PEX7: variants seen among roughly 807,000 people sequenced by gnomAD.
The protein encoded by PEX7 is peroxisomal biogenesis factor 7, also known as PTS2 receptor.
In PEX7, 34 loss-of-function variants were observed where a neutral mutation model predicts 47.5. The ratio of observed to expected loss-of-function variants is 0.72; its 90% confidence interval spans 0.54 to 0.95. The LOEUF (loss-of-function observed/expected upper bound fraction) is 0.95. PEX7 is among the 40% of genes least tolerant of loss of function. The pLI is 0.00. For missense variants in PEX7, 394 were observed against 400.3 expected, an observed-to-expected ratio of 0.98 and a Z score of 0.13; for synonymous variants, 141 against 148.8, an observed-to-expected ratio of 0.95 and a Z score of 0.38.
At chr6:136,907,978 C>G (rs1436353387) in intron 9 of PEX7, among the ~76,000 whole-genome samples, 1 of 152,070 alleles carries the variant, frequency 6.6e-6, no homozygotes, top group Admixed American at 6.6e-5. Flanking sequence ...TTAGTGAATG[C>G]ATGTTTCTTT....
rs1467357828 is a variant in PEX7, at chr6:136,898,173, C to T, written c.835C>T (p.Leu279Phe). The T allele has an allele frequency of 6.2e-7, 1 of 1,612,162 alleles. No individual in the cohort carries two copies. The highest frequency in any genetic ancestry group is 8.5e-7 in the Non-Finnish European group (1 of 1,178,306). ...FWNFSKPDSL[L>F]ETVEHHTEFT... is the part of the protein sequence containing the mutation. ...GAACTTTTCAAAGCCTGACTCTCTTCTTGAAACAGTGGAGCATCATACAGA... is the reference window on the plus strand; with the variant it reads ...GAACTTTTCAAAGCCTGACTCTCTTTTTGAAACAGTGGAGCATCATACAGA... The change falls in exon 9 of 10, where the codon CTT becomes TTT. Residue 279 changes from leucine (L) to phenylalanine (F), a missense_variant. Transcript: ENST00000318471.
intron 5 of PEX7, among the ~76,000 whole-genome samples, chr6:136,861,323 C>A (rs1774960399): frequency 6.6e-6 from 1 of 152,082 alleles, no homozygotes; most frequent in Admixed American, 6.5e-5. Flanking sequence ...ACTCAAACGA[C>A]CTGCCTGCCT....
At chr6:136,894,963 A>G (rs187313753) in intron 8 of PEX7, among the ~76,000 whole-genome samples, 2 of 152,300 alleles carry the variant, frequency 1.3e-5, no homozygotes, top group Non-Finnish European at 2.9e-5. Flanking sequence ...AAAGGAGCTC[A>G]TTTTACTTAC....
chr6:136,901,006 A>T (rs1562757799), intron 9 of PEX7: 1 of 205,516 alleles, frequency 4.9e-6, no homozygotes, highest in Admixed American at 4.6e-5. Flanking sequence ...GCCATTTCAC[A>T]AAGTGGGTGA....
At position 136,867,597 on chromosome 6, in the gene PEX7, G is replaced by A. The variant is rs139832407; in HGVS notation, c.633+864G>A. Among the ~76,000 whole-genome samples, 6 of 152,104 alleles carry A rather than the reference G, an allele frequency of 3.9e-5. No individual in the cohort carries two copies. In the East Asian group the frequency reaches 1.2e-3, roughly 29 times the overall value. On this transcript the variant is annotated intron_variant, in intron 6 of 9. Transcript: ENST00000318471. The stretch of plus-strand genomic sequence containing the variant: ...GCTCTACAATGTGTTTATATTTTAA[G>A]TTTTGTTATTATGAAGAGTCAAAAA...
chr6:136,891,651 C>CTT (rs56658273), intron 8 of PEX7, among the ~76,000 whole-genome samples: 19 of 140,628 alleles, frequency 1.4e-4, no homozygotes, highest in Admixed American at 2.8e-4. Context: ...TTCAACAGCC[C>CTT]TTTTTTTTTT....
intron 5 of PEX7, among the ~76,000 whole-genome samples, chr6:136,857,831 CTT>C (rs925833958): frequency 6.6e-6 from 1 of 151,430 alleles, no homozygotes; most frequent in African/African-American, 2.4e-5. Context: ...AGCATTACCT[CTT>C]TTTTTTTGAG....
In PEX7 at chr6:136,846,070, T is replaced by C. The variant is rs770117560; in HGVS notation, c.418-3T>C. 7.0e-6 allele frequency: 11 copies of C among 1,581,074 alleles called. No homozygotes were observed. The African/African-American group carries it at 1.3e-4, about 19-fold the overall frequency. The stretch of plus-strand genomic sequence containing the variant: ...AGTAATTGATCTATTCATTTATTTG[T>C]AGTGGGATCCAACTGTTGGAAAGTC... On this transcript the variant is annotated splice_region_variant and splice_polypyrimidine_tract_variant and intron_variant, in intron 4 of 9. Transcript: ENST00000318471.
chr6:136,832,992 C>T (rs148066077), intron 3 of PEX7, among the ~76,000 whole-genome samples: 68 of 152,308 alleles, frequency 4.5e-4, no homozygotes, highest in African/African-American at 7.9e-4. Flanking sequence ...AGCCTCTGCC[C>T]GTTACCCAGT....
chr6:136,831,565 A>G (rs536006862), intron 3 of PEX7, among the ~76,000 whole-genome samples: 106 of 152,392 alleles, frequency 7.0e-4, no homozygotes, highest in African/African-American at 1.7e-3. Context: ...CATTAACCCA[A>G]AAGTCCAAGT....
intron 9 of PEX7, among the ~76,000 whole-genome samples, chr6:136,908,965 C>T (rs1022865585): frequency 6.6e-6 from 1 of 152,164 alleles, no homozygotes; most frequent in Non-Finnish European, 1.5e-5. Context: ...ACTTCCCTCA[C>T]ATTCGATTAT....
At chr6:136,829,545 A>G (rs528837289) in intron 3 of PEX7, among the ~76,000 whole-genome samples, 2 of 152,186 alleles carry the variant, frequency 1.3e-5, no homozygotes, top group Non-Finnish European at 2.9e-5. Flanking sequence ...TTGTGGGGAT[A>G]TATTCAGTCC....
intron 3 of PEX7, among the ~76,000 whole-genome samples, chr6:136,836,970 A>G (rs1774396912): frequency 6.6e-6 from 1 of 151,650 alleles, no homozygotes; most frequent in Non-Finnish European, 1.5e-5. Flanking sequence ...AAAAACAAAG[A>G]ATTGGAAAGA....
At chr6:136,885,033 C>A (rs183337407) in intron 8 of PEX7, among the ~76,000 whole-genome samples, 51 of 152,226 alleles carry the variant, frequency 3.4e-4, no homozygotes, top group Admixed American at 1.0e-3. Context: ...TTGTGCCAAC[C>A]GTGCATAAGC....
chr6:136,839,354 A>G (rs982541169), intron 3 of PEX7, among the ~76,000 whole-genome samples: 4 of 152,208 alleles, frequency 2.6e-5, no homozygotes, highest in African/African-American at 9.7e-5. Flanking sequence ...AAGTAGACCA[A>G]CTTAAAAAGG....
intron 5 of PEX7, among the ~76,000 whole-genome samples, chr6:136,861,367 G>A (rs1007235500): frequency 6.6e-6 from 1 of 152,176 alleles, no homozygotes; most frequent in Non-Finnish European, 1.5e-5. Context: ...ACAAGTGTGA[G>A]CCACCATGCC....
chr6:136,825,197 AT>A lies in PEX7; in HGVS notation c.131-9del, dbSNP rs760985736. ...TGGCAGGTTCAAAGGGATGACCTTGATTTTTTTTCTCTTTAGGCTGTGGAAC... is the reference window on the plus strand; with the variant it reads ...TGGCAGGTTCAAAGGGATGACCTTGATTTTTTTCTCTTTAGGCTGTGGAAC... On this transcript the variant is annotated splice_polypyrimidine_tract_variant and intron_variant, in intron 1 of 9. Coordinates refer to ENST00000318471, the MANE Select transcript of PEX7 (RefSeq NM_000288.4). The A allele has an allele frequency of 1.6e-5, 25 of 1,610,104 alleles. No individual in the cohort carries two copies. The highest frequency in any genetic ancestry group is 1.6e-4 in the Middle Eastern group (1 of 6,076).
At chr6:136,849,352 T>C (rs140595862) in intron 5 of PEX7, among the ~76,000 whole-genome samples, 2,052 of 152,282 alleles carry the variant, frequency 0.013, 36 homozygotes, top group African/African-American at 0.047. Flanking sequence ...CTCTATCTCC[T>C]TCAGTTCTGC....
rs35368484 is a variant in PEX7, at chr6:136,882,548, AAATAATAAT to A, written c.803+10308_803+10316del. ...CATTCAGCAAAAGATCTTACCTTTA[AAATAATAAT>A]AATAATAATAATTGTGGGACTCAAG... On this transcript the variant is annotated intron_variant, in intron 8 of 9. Transcript: ENST00000318471. 3.3e-5 allele frequency among the ~76,000 whole-genome samples: 5 copies of A among 150,332 alleles called. No homozygotes were observed. The South Asian group carries it at 1.1e-3, about 32-fold the overall frequency.
Sources: allele counts gnomAD v4.1 joint callset (sites outside exome capture counted in the v4.1 genomes callset), GRCh38; gene constraint gnomAD v4.1.1; transcripts MANE v1.5; gene names NCBI Gene and HGNC (gene_info 2026-07-23, HGNC 2026-07-21).